SLC16A6: variants seen among roughly 807,000 people sequenced by gnomAD.
SLC16A6 encodes the protein monocarboxylate transporter 7.
A neutral mutation model predicts 33.8 loss-of-function variants in SLC16A6; 15 were observed. That is an observed-to-expected ratio of 0.44 (90% CI 0.30 to 0.68). The LOEUF is 0.68. SLC16A6 is among the 30% of genes least tolerant of loss of function. SLC16A6 has a pLI of 0.10. For missense variants in SLC16A6, 451 were observed against 661.5 expected, an observed-to-expected ratio of 0.68 and a Z score of 3.49; for synonymous variants, 219 against 248.4, an observed-to-expected ratio of 0.88 and a Z score of 1.11.
rs1373466265 is a variant in SLC16A6 at position 68,270,923 on chromosome 17, C to T, written c.1237G>A (p.Val413Met). The T allele has an allele frequency of 3.7e-6, 6 of 1,614,060 alleles. No homozygotes were observed. The African/African-American group carries it at 4.0e-5, about 11-fold the overall frequency. ...GCAGAAGACATCTTCTCAATGCCCA[C>T]GACATCATCCTCAGCAAGCAGTGGA... ...HIPLLAEDDV[V>M]GIEKMSSAAG... Residue 413 changes from valine (V) to methionine (M), a missense_variant, in exon 5 of 6, where the codon GTG (valine) becomes ATG (methionine). By Grantham distance (21) the Val-to-Met change is conservative. Coordinates refer to ENST00000580666, the MANE Select transcript of SLC16A6 (RefSeq NM_004694.5).
At chr17:68,272,106 T>G (rs12945324) in intron 4 of SLC16A6, among the ~76,000 whole-genome samples, 7,512 of 152,222 alleles carry the variant, frequency 0.049, 219 homozygotes, top group African/African-American at 0.076. Flanking sequence ...TGGCCTTTTT[T>G]TGTGTGTTTT....
At position 68,268,656 on chromosome 17, in the gene SLC16A6, A is replaced by T. The variant is rs1434569062; in HGVS notation, c.*440T>A. 6.6e-6 allele frequency: 1 copy of T among 152,450 alleles called. No individual in the cohort carries two copies. Among genetic ancestry groups the T allele is most frequent in the Admixed American group, 6.5e-5 (1 of 15,330 alleles). 9.4% of individuals were successfully genotyped at this position (152,450 alleles called of 1,614,324 possible). On this transcript the variant is annotated 3_prime_UTR_variant, in exon 6 of 6. Coordinates refer to ENST00000580666, the MANE Select transcript of SLC16A6 (RefSeq NM_004694.5). ...ATTTCATTTCAATGACCTGGGTTGG[A>T]TGTTGTTTTATTCAGGAGAGTAGTT...
chr17:68,282,279 A>T (rs1321243020), intron 1 of SLC16A6, among the ~76,000 whole-genome samples: 1 of 151,280 alleles, frequency 6.6e-6, no homozygotes, highest in Non-Finnish European at 1.5e-5. Flanking sequence ...ACACGTTCTC[A>T]CTCATAGGTG....
chr17:68,287,579 A>G (rs1599567200), intron 1 of SLC16A6, among the ~76,000 whole-genome samples: 1 of 152,272 alleles, frequency 6.6e-6, no homozygotes, highest in Non-Finnish European at 1.5e-5. Context: ...AGAGCCACAT[A>G]TAACTTTCAC....
intron 3 of SLC16A6, among the ~76,000 whole-genome samples, chr17:68,273,296 C>T (rs550869911): frequency 1.3e-5 from 2 of 151,966 alleles, no homozygotes; most frequent in African/African-American, 2.4e-5. Context: ...GGAGCCTTGA[C>T]CTCCCAGGCT....
chr17:68,278,290 T>G lies in SLC16A6; in HGVS notation c.31A>C (p.Lys11Gln). Residue 11 changes from lysine (K) to glutamine (Q), a missense_variant, in exon 2 of 6, where the codon AAA becomes CAA. Coordinates refer to ENST00000580666, the MANE Select transcript of SLC16A6 (RefSeq NM_004694.5). ...GGCACTTCAGTATACACATTGGCTT[T>G]GGAACAAAGCTTTAATTTATTTTGG... MTQNKLKLCS[K>Q]ANVYTEVPDG... 2 of 1,613,794 alleles carry G rather than the reference T, an allele frequency of 1.2e-6. No homozygotes were observed. The highest frequency in any genetic ancestry group is 1.7e-6 in the Non-Finnish European group (2 of 1,179,926).
At chr17:68,285,116 T>C (rs1157434958) in intron 1 of SLC16A6, among the ~76,000 whole-genome samples, 1 of 152,196 alleles carries the variant, frequency 6.6e-6, no homozygotes. Flanking sequence ...GCATCTGAAA[T>C]GCATCCTATG....
chr17:68,279,953 G>C (rs1188358034), intron 1 of SLC16A6, among the ~76,000 whole-genome samples: 2 of 152,068 alleles, frequency 1.3e-5, no homozygotes, highest in African/African-American at 4.8e-5. Flanking sequence ...AGGCCAAAGC[G>C]GGTGGATCAC....
chr17:68,272,643 T>C lies in SLC16A6; in HGVS notation c.501A>G (p.Ala167=), dbSNP rs782517528. ...AGGCTGTTGTAGTCCACCTACCTGG[T>C]GCGAAAGCAAACACAGCGAAACATT... ...TGECFAVFAF[A]PAIMALKERI... is the part of the protein sequence containing the mutation. Residue 167 remains alanine, a synonymous_variant, in exon 4 of 6, where the codon GCA becomes GCG. Coordinates refer to ENST00000580666, the MANE Select transcript of SLC16A6 (RefSeq NM_004694.5). 1 of 1,613,960 alleles carries C rather than the reference T, an allele frequency of 6.2e-7. No individual in the cohort carries two copies. The highest frequency in any genetic ancestry group is 8.5e-7 in the Non-Finnish European group (1 of 1,179,842).
intron 1 of SLC16A6, among the ~76,000 whole-genome samples, chr17:68,287,941 TTCTCTCTCTCTTTC>T (rs1196892472): frequency 6.6e-6 from 1 of 151,116 alleles, no homozygotes; most frequent in Non-Finnish European, 1.5e-5. Flanking sequence ...TCTTCTTCTC[TTCTCTCTCTCTTTC>T]TCTCTCTCTC....
At chr17:68,290,676 C>T (rs1250235158) in intron 1 of SLC16A6, among the ~76,000 whole-genome samples, 5 of 152,242 alleles carry the variant, frequency 3.3e-5, no homozygotes, top group African/African-American at 7.2e-5. Flanking sequence ...AGGAAGGTAC[C>T]TCTGACATTT....
intron 1 of SLC16A6, among the ~76,000 whole-genome samples, chr17:68,283,706 C>T (rs969427638): frequency 6.7e-6 from 1 of 150,370 alleles, no homozygotes; most frequent in African/African-American, 2.4e-5. Context: ...GAAACCCTGT[C>T]TCTACTAAAA....
intron 2 of SLC16A6, 96 bp from the exon 3 acceptor site, chr17:68,274,166 G>T: frequency 7.4e-7 from 1 of 1,347,064 alleles, no homozygotes; most frequent in Non-Finnish European, 1.0e-6. Context: ...ATGGAGAGAT[G>T]ATGTCGAATA....
At chr17:68,284,022 C>T (rs2075783913) in intron 1 of SLC16A6, among the ~76,000 whole-genome samples, 2 of 144,016 alleles carry the variant, frequency 1.4e-5, no homozygotes, top group South Asian at 4.4e-4. Context: ...ACCTAGGAGT[C>T]GGAGGTTGCA....
At chr17:68,289,257 T>C (rs1342056600) in intron 1 of SLC16A6, among the ~76,000 whole-genome samples, 2 of 152,102 alleles carry the variant, frequency 1.3e-5, no homozygotes, top group African/African-American at 4.8e-5. Flanking sequence ...GAGATGACGC[T>C]ACTGCACTCC....
intron 1 of SLC16A6, among the ~76,000 whole-genome samples, chr17:68,283,975 C>T (rs1409338168): frequency 6.6e-6 from 1 of 151,602 alleles, no homozygotes; most frequent in East Asian, 1.9e-4. Flanking sequence ...CCTGTTATCC[C>T]AGCTACCCAG....
At chr17:68,274,924 G>A (rs2075462960) in intron 2 of SLC16A6, among the ~76,000 whole-genome samples, 1 of 152,072 alleles carries the variant, frequency 6.6e-6, no homozygotes, top group South Asian at 2.1e-4. Context: ...GGGATTACAG[G>A]CATGTGCCAC....
chr17:68,278,370 G>A (rs1005371741), intron 1 of SLC16A6, 43 bp from the exon 2 acceptor site: 5 of 1,279,306 alleles, frequency 3.9e-6, no homozygotes, highest in Non-Finnish European at 5.6e-6. Context: ...GCAATAGCAT[G>A]AGGATCGATG....
chr17:68,271,436 C>T lies in SLC16A6; in HGVS notation c.724G>A (p.Val242Ile). 1.2e-6 allele frequency: 2 copies of T among 1,614,218 alleles called. No homozygotes were observed. Residue 242 changes from valine to isoleucine, a missense_variant, in exon 5 of 6, where the codon GTA (valine) becomes ATA (isoleucine). This residue lies in a region of SLC16A6 where 405 missense variants were observed against 510.7 expected (regional missense o/e 0.79). Coordinates refer to ENST00000580666, the MANE Select transcript of SLC16A6 (RefSeq NM_004694.5). The surrounding 1 kb of genome is among the most constrained non-coding windows in gnomAD (Gnocchi z 5.3). Reference sequence around the variant, plus strand: ...TTTTTAGGTGAGGTAGTTAGTTCTACTCCTGAGTCAATGGAGTCTATTGAG... The same window carrying T: ...TTTTTAGGTGAGGTAGTTAGTTCTATTCCTGAGTCAATGGAGTCTATTGAG... The part of the protein sequence containing the change: ...RTSIDSIDSG[V>I]ELTTSPKNVP...
Sources: allele counts gnomAD v4.1 joint callset (sites outside exome capture counted in the v4.1 genomes callset), GRCh38; gene constraint gnomAD v4.1.1; regional missense constraint gnomAD v4.1.1; non-coding constraint Gnocchi (gnomAD v3.1); transcripts MANE v1.5; gene names NCBI Gene and HGNC (gene_info 2026-07-23, HGNC 2026-07-21).